GRK3: variants seen among roughly 807,000 people sequenced by gnomAD.
GRK3 encodes adrenergic, beta, receptor kinase 2.
GRK3 carries 54 observed loss-of-function variants against 95.7 expected under a neutral mutation model. The observed-to-expected ratio is 0.56, with a 90% CI of 0.45 to 0.71. The LOEUF (loss-of-function observed/expected upper bound fraction) is 0.71, where lower values mean the gene tolerates loss of function less well. Among genes scored for constraint, GRK3 ranks in the 30% least tolerant of loss-of-function variants. GRK3 has a pLI of 0.00. For synonymous variants in GRK3, 281 were observed against 290.8 expected (o/e 0.97, Z 0.34); for missense variants, 649 against 851.2 (o/e 0.76, Z 2.96).
intron 3 of GRK3, among the ~76,000 whole-genome samples, chr22:25,657,585 A>G (rs1176680837): frequency 3.3e-5 from 5 of 152,166 alleles, no homozygotes; most frequent in Non-Finnish European, 5.9e-5. Context: ...AGACAGATAT[A>G]AAAGTGTCTT....
intron 13 of GRK3, 122 bp from the exon 14 acceptor site, chr22:25,703,388 T>G: frequency 4.4e-6 from 3 of 683,926 alleles, no homozygotes; most frequent in Non-Finnish European, 7.5e-6. Flanking sequence ...TTACGGCTTT[T>G]GCATTTCTCC....
rs539897980 is a variant in GRK3, at chr22:25,693,677, A to G, written c.1053-1430A>G. On this transcript the variant is annotated intron_variant, in intron 12 of 20. Coordinates refer to ENST00000324198, the MANE Select transcript of GRK3 (RefSeq NM_005160.4). ...TCTCAAATACACCTCTTAGACAGAG[A>G]GTACCAGACCCATGATGACCCAGGC... 4.9e-4 allele frequency among the ~76,000 whole-genome samples: 74 copies of G among 152,130 alleles called. 1 individual carries two copies. The South Asian group carries it at 7.9e-3, about 16-fold the overall frequency.
chr22:25,610,351 C>T (rs2084487385), intron 2 of GRK3, among the ~76,000 whole-genome samples: 1 of 152,098 alleles, frequency 6.6e-6, no homozygotes, highest in East Asian at 1.9e-4. Context: ...CCTGTAGTCC[C>T]AGCTACTCAG....
intron 1 of GRK3, among the ~76,000 whole-genome samples, chr22:25,583,030 T>C (rs1932156332): frequency 6.6e-6 from 1 of 152,198 alleles, no homozygotes; most frequent in Non-Finnish European, 1.5e-5. Context: ...CTGTGGAGCA[T>C]GTTTTAGTTT....
chr22:25,675,540 A>G (rs995687677), intron 8 of GRK3, among the ~76,000 whole-genome samples: 2 of 152,188 alleles, frequency 1.3e-5, no homozygotes, highest in South Asian at 2.1e-4. Context: ...TAGATCCAGA[A>G]CTACAAGTTT....
chr22:25,621,470 CAG>C (rs2084585663), intron 2 of GRK3, among the ~76,000 whole-genome samples: 1 of 151,850 alleles, frequency 6.6e-6, no homozygotes, highest in Admixed American at 6.6e-5. Context: ...CAGGAATAGG[CAG>C]AGTTAGTCTA....
intron 5 of GRK3, 94 bp downstream of exon 5, chr22:25,663,798 C>A (rs2084924752): frequency 1.2e-6 from 1 of 840,938 alleles, no homozygotes; most frequent in South Asian, 1.6e-5. Flanking sequence ...CACTAGAGGA[C>A]TTGCTTTGTA....
chr22:25,627,210 A>G (rs937172684), intron 2 of GRK3, among the ~76,000 whole-genome samples: 3 of 152,214 alleles, frequency 2.0e-5, no homozygotes, highest in African/African-American at 4.8e-5. Context: ...TTTATTTTTT[A>G]TGAAACAATT....
At chr22:25,607,390 C>G (rs1467312150) in intron 2 of GRK3, among the ~76,000 whole-genome samples, 1 of 151,226 alleles carries the variant, frequency 6.6e-6, no homozygotes, top group African/African-American at 2.4e-5. Context: ...AATCAGTATT[C>G]AAATACTGTT....
chr22:25,670,084 T>C (rs1004044836), intron 6 of GRK3, among the ~76,000 whole-genome samples: 2 of 152,266 alleles, frequency 1.3e-5, no homozygotes, highest in African/African-American at 4.8e-5. Flanking sequence ...ACACTCTTTG[T>C]GAGTCATTTT....
intron 13 of GRK3, among the ~76,000 whole-genome samples, chr22:25,702,280 C>G (rs1018620418): frequency 9.9e-5 from 15 of 152,280 alleles, no homozygotes; most frequent in African/African-American, 3.6e-4. Flanking sequence ...CTAATTAATT[C>G]AGTAGGATGA....
At chr22:25,644,143 T>TG (rs1051552006) in intron 2 of GRK3, among the ~76,000 whole-genome samples, 423 of 146,946 alleles carry the variant, frequency 2.9e-3, no homozygotes, top group African/African-American at 0.01. Flanking sequence ...GTGTTTTTTT[T>TG]TTTGTTTGTT....
intron 3 of GRK3, chr22:25,649,284 C>G: frequency 1.1e-6 from 1 of 901,996 alleles, no homozygotes; most frequent in Non-Finnish European, 1.8e-6. Context: ...TGTGAAGAAC[C>G]TGTATAGAAT....
At chr22:25,603,436 A>G (rs187436980) in intron 1 of GRK3, among the ~76,000 whole-genome samples, 7 of 152,256 alleles carry the variant, frequency 4.6e-5, no homozygotes, top group Non-Finnish European at 8.8e-5. Context: ...CTTCTATTAT[A>G]TGTCAAAGTT....
At chr22:25,688,010 G>A (rs977133030) in intron 11 of GRK3, among the ~76,000 whole-genome samples, 3 of 152,160 alleles carry the variant, frequency 2.0e-5, no homozygotes, top group Non-Finnish European at 4.4e-5. Context: ...GCCAAGGAGG[G>A]CGGATCACAA....
At chr22:25,681,514 GC>G (rs1345569337) in intron 9 of GRK3, among the ~76,000 whole-genome samples, 1 of 152,068 alleles carries the variant, frequency 6.6e-6, no homozygotes, top group Non-Finnish European at 1.5e-5. Flanking sequence ...GGGGAGTCGT[GC>G]AAGACAAAGC....
intron 13 of GRK3, among the ~76,000 whole-genome samples, chr22:25,702,398 A>G (rs1416631922): frequency 1.3e-5 from 2 of 152,198 alleles, no homozygotes; most frequent in African/African-American, 4.8e-5. Context: ...TGGAGTTAAT[A>G]TTAAAATATT....
chr22:25,687,736 C>G, intron 11 of GRK3, 69 bp downstream of exon 11: 1 of 1,556,066 alleles, frequency 6.4e-7, no homozygotes, highest in Non-Finnish European at 8.8e-7. Flanking sequence ...AAGTCCCCTT[C>G]TATTTCATAG....
chr22:25,584,149 G>T (rs895574835), intron 1 of GRK3, among the ~76,000 whole-genome samples: 4 of 152,204 alleles, frequency 2.6e-5, no homozygotes, highest in Non-Finnish European at 5.9e-5. Context: ...TTGAAAAGTG[G>T]CTTTGAAAGC....
Sources: gnomAD v4.1 joint callset for allele counts (sites outside exome capture counted in the v4.1 genomes callset) on GRCh38, gnomAD v4.1.1 for gene constraint, MANE v1.5 for transcripts, NCBI Gene and HGNC (gene_info 2026-07-23, HGNC 2026-07-21) for gene names.